CPNE4: variants seen among roughly 807,000 people sequenced by gnomAD.
CPNE4 encodes the protein copine-4.
CPNE4 carries 25 observed loss-of-function variants against 67.9 expected under a neutral mutation model. The ratio of observed to expected loss-of-function variants is 0.37; its 90% CI spans 0.27 to 0.51. The LOEUF is 0.51. Ranked by LOEUF, CPNE4 falls within the 20% of genes least tolerant of loss-of-function variation. The pLI, the probability that CPNE4 is intolerant of heterozygous loss-of-function variation, is 0.93. For synonymous variants in CPNE4, 242 were observed against 244.9 expected (o/e 0.99, Z 0.11); for missense variants, 464 against 690.8 (o/e 0.67, Z 3.68).
chr3:131,550,220 A>T (rs1178197007), intron 13 of CPNE4, 140 bp from the exon 14 acceptor site: 1 of 826,572 alleles, frequency 1.2e-6, no homozygotes, highest in Admixed American at 2.8e-5. Context: ...ATAAAAAGGA[A>T]TACCACATTG....
chr3:131,846,551 G>A (rs954421958), intron 2 of CPNE4, among the ~76,000 whole-genome samples: 1 of 152,184 alleles, frequency 6.6e-6, no homozygotes, highest in Non-Finnish European at 1.5e-5. Flanking sequence ...CAAAATAGAT[G>A]TAGTAAGAGT....
intron 1 of CPNE4, among the ~76,000 whole-genome samples, chr3:131,961,833 CA>C (rs1330165413): frequency 6.6e-6 from 1 of 152,058 alleles, no homozygotes; most frequent in Non-Finnish European, 1.5e-5. Flanking sequence ...TACCAAATAT[CA>C]AAAAACAATT....
rs1404555833 is a variant in CPNE4 at position 131,547,488 on chromosome 3, A to C, written c.1302+2459T>G. 2.9e-4 allele frequency among the ~76,000 whole-genome samples: 35 copies of C among 122,452 alleles called. 1 individual carries two copies. The highest frequency in any genetic ancestry group is 1.6e-3 in the Admixed American group (20 of 12,730). The allele number at this position is 122,452 out of a possible 152,430, so 80.3% of individuals were successfully genotyped here. On this transcript the variant is annotated intron_variant, in intron 14 of 15. Transcript: ENST00000429747. ...AAAAAAAAAAAAAAAAAAAAAAAAAAAAAAAAAAAAAAACCTAATAGTGTT... is the reference window on the plus strand; with the variant it reads ...AAAAAAAAAAAAAAAAAAAAAAAAACAAAAAAAAAAAAACCTAATAGTGTT...
intron 2 of CPNE4, among the ~76,000 whole-genome samples, chr3:131,773,122 C>T (rs1396018828): frequency 6.6e-6 from 1 of 151,916 alleles, no homozygotes; most frequent in Non-Finnish European, 1.5e-5. Context: ...ACCGTTGACT[C>T]TCAATTTGGA....
At chr3:131,900,316 G>A (rs1164979540) in intron 2 of CPNE4, among the ~76,000 whole-genome samples, 1 of 152,064 alleles carries the variant, frequency 6.6e-6, no homozygotes, top group African/African-American at 2.4e-5. Flanking sequence ...CAGTTAAAAT[G>A]GCTTGTATCC....
At chr3:131,703,131 T>C (rs2081341545) in intron 3 of CPNE4, among the ~76,000 whole-genome samples, 1 of 152,212 alleles carries the variant, frequency 6.6e-6, no homozygotes, top group African/African-American at 2.4e-5. Flanking sequence ...ATCCCACTTA[T>C]CATGTACACT....
chr3:131,653,774 C>T (rs1469573653), intron 7 of CPNE4, among the ~76,000 whole-genome samples: 1 of 152,190 alleles, frequency 6.6e-6, no homozygotes, highest in Non-Finnish European at 1.5e-5. Context: ...TTGGCTTAGA[C>T]ACTTGAAGTA....
At chr3:131,790,268 C>T (rs1226469185) in intron 2 of CPNE4, among the ~76,000 whole-genome samples, 1 of 152,142 alleles carries the variant, frequency 6.6e-6, no homozygotes, top group Non-Finnish European at 1.5e-5. Flanking sequence ...CTCCTGTGCT[C>T]ACAAAGCAGT....
rs1280000100 is a variant in CPNE4, at chr3:131,617,503, A to C, written c.682-29921T>G. Among the ~76,000 whole-genome samples, 4 of 152,218 alleles carry C rather than the reference A, an allele frequency of 2.6e-5. No individual in the cohort carries two copies. The East Asian group carries it at 7.7e-4, about 29-fold the overall frequency. ...AGGCCTCTTTTTTGGAAACTCAGAT[A>C]CTCTGATTTCTAATACAGACGCCTT... On this transcript the variant is annotated intron_variant, in intron 7 of 15. Transcript: ENST00000429747.
chr3:131,857,236 T>G (rs1202782108), intron 2 of CPNE4, among the ~76,000 whole-genome samples: 1 of 152,068 alleles, frequency 6.6e-6, no homozygotes, highest in Non-Finnish European at 1.5e-5. Context: ...GAAATTACCC[T>G]TTAGGCCAAT....
chr3:131,853,007 C>T (rs2086295844), intron 2 of CPNE4, among the ~76,000 whole-genome samples: 1 of 151,466 alleles, frequency 6.6e-6, no homozygotes, highest in African/African-American at 2.4e-5. Flanking sequence ...CAATTTTCCC[C>T]ACGTTGATAG....
rs116326465 is a variant in CPNE4 at position 132,010,886 on chromosome 3, C to T, written c.-2+23681G>A. Reference sequence around the variant, plus strand: ...CTTTTTTCCAAACCCCAAGAACTTCCTGGCACATGGCTTTTCCTGATAGCT... The same window carrying T: ...CTTTTTTCCAAACCCCAAGAACTTCTTGGCACATGGCTTTTCCTGATAGCT... On this transcript the variant is annotated intron_variant, in intron 1 of 15. Transcript: ENST00000429747. Among the ~76,000 whole-genome samples, 1,513 of 152,182 alleles carry T rather than the reference C, an allele frequency of 9.9e-3. 23 individuals are homozygous for T. The highest frequency in any genetic ancestry group is 0.035 in the African/African-American group (1,447 of 41,516).
intron 2 of CPNE4, among the ~76,000 whole-genome samples, chr3:131,802,472 A>G (rs898045606): frequency 6.6e-6 from 1 of 152,212 alleles, no homozygotes; most frequent in African/African-American, 2.4e-5. Flanking sequence ...AAAAATGTTG[A>G]CAAATTGCCC....
chr3:131,907,322 T>C (rs2088810245), intron 1 of CPNE4, among the ~76,000 whole-genome samples: 1 of 152,132 alleles, frequency 6.6e-6, no homozygotes, highest in Non-Finnish European at 1.5e-5. Context: ...GCACTGGTGC[T>C]CTGCAGTGGA....
chr3:131,964,921 A>T (rs777827347), intron 1 of CPNE4, among the ~76,000 whole-genome samples: 6 of 152,162 alleles, frequency 3.9e-5, no homozygotes, highest in Non-Finnish European at 8.8e-5. Flanking sequence ...GCACATAATC[A>T]TCAGATTCTC....
chr3:131,856,617 C>T (rs2086455370), intron 2 of CPNE4, among the ~76,000 whole-genome samples: 1 of 151,932 alleles, frequency 6.6e-6, no homozygotes, highest in South Asian at 2.1e-4. Context: ...GGATGGGAAA[C>T]ATGGTAAATA....
chr3:131,977,560 G>T (rs940678606), intron 1 of CPNE4, among the ~76,000 whole-genome samples: 1 of 151,682 alleles, frequency 6.6e-6, no homozygotes, highest in Non-Finnish European at 1.5e-5. Flanking sequence ...ACACACACAC[G>T]CACATACATA....
At chr3:131,646,663 T>C (rs1271332676) in intron 7 of CPNE4, among the ~76,000 whole-genome samples, 1 of 152,236 alleles carries the variant, frequency 6.6e-6, no homozygotes, top group East Asian at 1.9e-4. Flanking sequence ...GATGTGCTTA[T>C]ATTACATTGC....
chr3:131,861,959 C>A (rs73203885), intron 2 of CPNE4, among the ~76,000 whole-genome samples: 11,650 of 152,166 alleles, frequency 0.077, 587 homozygotes, highest in East Asian at 0.17. Context: ...ACTAATGAAG[C>A]GAAGTGAGGA....
Sources: gnomAD v4.1 joint callset for allele counts (sites outside exome capture counted in the v4.1 genomes callset) on GRCh38, gnomAD v4.1.1 for gene constraint, MANE v1.5 for transcripts, NCBI Gene and HGNC (gene_info 2026-07-23, HGNC 2026-07-21) for gene names.